Variants in ASTN2 observed in about 807,000 individuals in gnomAD.
The protein encoded by ASTN2 is astrotactin 2.
A neutral mutation model predicts 139.8 loss-of-function variants in ASTN2; 54 were observed. The observed-to-expected ratio is 0.39, with a 90% CI of 0.31 to 0.48. The LOEUF (loss-of-function observed/expected upper bound fraction) is 0.48. Among genes scored for constraint, ASTN2 ranks in the 20% least tolerant of loss-of-function variants. The pLI, the probability that ASTN2 is intolerant of heterozygous loss-of-function variation, is 0.95. For missense variants in ASTN2, 1,565 were observed against 1,725.1 expected, an observed-to-expected ratio of 0.91 and a Z score of 1.64; for synonymous variants, 756 against 719.5, an observed-to-expected ratio of 1.05 and a Z score of -0.81.
chr9:116,566,900 C>A (rs1431931820), intron 19 of ASTN2, among the ~76,000 whole-genome samples: 1 of 152,166 alleles, frequency 6.6e-6, no homozygotes, highest in Admixed American at 6.5e-5. Context: ...CTCCCCCCAA[C>A]CTGATGGCTC....
chr9:117,374,110 C>T (rs1830057984), intron 1 of ASTN2, among the ~76,000 whole-genome samples: 1 of 152,078 alleles, frequency 6.6e-6, no homozygotes, highest in African/African-American at 2.4e-5. Flanking sequence ...TCAGATATAG[C>T]AACCCATTCA....
intron 11 of ASTN2, among the ~76,000 whole-genome samples, chr9:116,829,049 T>C (rs543092715): frequency 2.0e-4 from 31 of 152,176 alleles, no homozygotes; most frequent in Middle Eastern, 3.4e-3. Flanking sequence ...TGCTCATGAA[T>C]TGGATAATCA....
intron 5 of ASTN2, among the ~76,000 whole-genome samples, chr9:117,059,044 T>C (rs1395494861): frequency 1.3e-5 from 2 of 152,198 alleles, no homozygotes; most frequent in Non-Finnish European, 2.9e-5. Flanking sequence ...CGTGTTATAA[T>C]GCCCGGTCTA....
intron 22 of ASTN2, among the ~76,000 whole-genome samples, chr9:116,438,228 C>T (rs1847720102): frequency 6.6e-6 from 1 of 152,218 alleles, no homozygotes; most frequent in East Asian, 1.9e-4. Context: ...TCTAGAGCCT[C>T]ACTGCCGCTT....
At chr9:116,649,957 T>C (rs1857816857) in intron 17 of ASTN2, among the ~76,000 whole-genome samples, 1 of 152,186 alleles carries the variant, frequency 6.6e-6, no homozygotes. Context: ...GTACAAACAA[T>C]GTTCTTTTCT....
At chr9:116,902,713 T>C (rs997119856) in intron 10 of ASTN2, among the ~76,000 whole-genome samples, 28 of 152,156 alleles carry the variant, frequency 1.8e-4, no homozygotes, top group African/African-American at 6.5e-4. Context: ...TATATCCTTT[T>C]GGTTCTGCTT....
intron 2 of ASTN2, among the ~76,000 whole-genome samples, chr9:117,237,816 T>C (rs1833089759): frequency 6.6e-6 from 1 of 152,138 alleles, no homozygotes; most frequent in Non-Finnish European, 1.5e-5. Flanking sequence ...TGTGCCATGC[T>C]CACAGTGTTT....
intron 20 of ASTN2, among the ~76,000 whole-genome samples, chr9:116,483,289 G>C (rs1023433550): frequency 2.6e-5 from 4 of 152,200 alleles, no homozygotes; most frequent in Admixed American, 1.3e-4. Context: ...AACAGGGCAC[G>C]GGTGCTGATG....
chr9:116,549,673 C>A (rs1766251100), intron 19 of ASTN2, among the ~76,000 whole-genome samples: 2 of 152,178 alleles, frequency 1.3e-5, no homozygotes, highest in African/African-American at 4.8e-5. Flanking sequence ...GGGCAGCAGA[C>A]CCTGTACTCC....
chr9:117,092,482 G>T (rs1193880235), intron 5 of ASTN2, among the ~76,000 whole-genome samples: 2 of 152,230 alleles, frequency 1.3e-5, no homozygotes, highest in Admixed American at 6.5e-5. Context: ...CACACAGATA[G>T]CCCCAAAGAC....
rs1588427725 is a variant in ASTN2 at position 116,940,390 on chromosome 9, G to A, written c.1889+34818C>T. Among the ~76,000 whole-genome samples the A allele has an allele frequency of 2.6e-5, 4 of 152,124 alleles. No individual in the cohort carries two copies. The East Asian group carries it at 7.7e-4, about 29-fold the overall frequency. Reference sequence around the variant, plus strand: ...TTGCAGAAAAGGCATTGCTATCATAGGAGATGACAGCTCCATGTGTGTTAT... The same window carrying A: ...TTGCAGAAAAGGCATTGCTATCATAAGAGATGACAGCTCCATGTGTGTTAT... On this transcript the variant is annotated intron_variant, in intron 10 of 22. Coordinates refer to ENST00000313400, the MANE Select transcript of ASTN2 (RefSeq NM_001365068.1).
chr9:116,865,800 T>C (rs564926227), intron 10 of ASTN2, among the ~76,000 whole-genome samples: 1 of 152,346 alleles, frequency 6.6e-6, no homozygotes, highest in South Asian at 2.1e-4. Context: ...CTCTTCCTTC[T>C]GCCTGGGATG....
chr9:116,834,227 A>T (rs147467734), intron 11 of ASTN2, among the ~76,000 whole-genome samples: 2,217 of 152,270 alleles, frequency 0.015, 81 homozygotes, highest in Admixed American at 0.085. Context: ...TCTTGTCTTG[A>T]TATGTGTCCT....
chr9:116,561,744 T>G (rs1321593390), intron 19 of ASTN2, among the ~76,000 whole-genome samples: 1 of 152,218 alleles, frequency 6.6e-6, no homozygotes, highest in Non-Finnish European at 1.5e-5. Flanking sequence ...CTAATTTAAT[T>G]GTTACAGCAT....
intron 19 of ASTN2, among the ~76,000 whole-genome samples, chr9:116,497,826 G>A (rs1228598019): frequency 6.6e-6 from 1 of 152,026 alleles, no homozygotes; most frequent in Non-Finnish European, 1.5e-5. Context: ...ATCCATGGAG[G>A]GTTTTCTTTT....
intron 1 of ASTN2, among the ~76,000 whole-genome samples, chr9:117,401,591 C>T (rs549340561): frequency 5.9e-5 from 9 of 152,280 alleles, no homozygotes; most frequent in Admixed American, 3.3e-4. Flanking sequence ...ACTCTGGCTA[C>T]TGTGTAGAGC....
intron 10 of ASTN2, among the ~76,000 whole-genome samples, chr9:116,932,178 C>A (rs1834919058): frequency 6.6e-6 from 1 of 152,122 alleles, no homozygotes; most frequent in Non-Finnish European, 1.5e-5. Context: ...CTGAAGATTA[C>A]TATGGAGCAC....
intron 20 of ASTN2, among the ~76,000 whole-genome samples, chr9:116,446,255 G>GGAGAGAGA (rs373227100): frequency 3.7e-4 from 42 of 113,984 alleles, no homozygotes; most frequent in East Asian, 1.5e-3. Flanking sequence ...GAGGGGAGAG[G>GGAGAGAGA]GAGAGAGAGA....
Position 116,698,552 on chromosome 9 carries a change from T to C in ASTN2, c.2806+27219A>G, listed in dbSNP as rs777455523. 1.2e-6 allele frequency: 2 copies of C among 1,613,898 alleles called. 1 individual carries two copies. Among genetic ancestry groups the C allele is most frequent in the South Asian group, 2.2e-5 (2 of 91,062 alleles). On this transcript the variant is annotated intron_variant, in intron 16 of 22. Transcript: ENST00000313400. The surrounding 1 kb of genome is among the most constrained non-coding windows in gnomAD (Gnocchi z 4.4). ...AGCCAGAGCTCACTGCCAGCTTGCCTCGGGAGCTCACCCTGCAAGATGTGG... is the reference window on the plus strand; with the variant it reads ...AGCCAGAGCTCACTGCCAGCTTGCCCCGGGAGCTCACCCTGCAAGATGTGG...
Sources: allele counts gnomAD v4.1 joint callset (sites outside exome capture counted in the v4.1 genomes callset), GRCh38; gene constraint gnomAD v4.1.1; non-coding constraint Gnocchi (gnomAD v3.1); transcripts MANE v1.5; gene names NCBI Gene and HGNC (gene_info 2026-07-23, HGNC 2026-07-21).